The following TNFSF4 variants were observed in gnomAD, a reference collection of about 807,000 sequenced individuals.
The protein encoded by TNFSF4 is TNF superfamily member 4, also known as tumor necrosis factor ligand superfamily member 4.
TNFSF4 carries 4 observed loss-of-function variants against 7.3 expected under a neutral mutation model. The ratio of observed to expected loss-of-function variants is 0.55; its 90% CI spans 0.27 to 1.25. The LOEUF is 1.25. Ranked by LOEUF, TNFSF4 falls within the 50% of genes most tolerant of loss-of-function variation. TNFSF4 has a pLI of 0.12. For synonymous variants in TNFSF4, 76 were observed against 83.7 expected (o/e 0.91, Z 0.50); for missense variants, 181 against 208.8 (o/e 0.87, Z 0.82).
At chr1:173,404,821 G>T in the TNFSF4 span, among the ~76,000 whole-genome samples, 1 of 151,936 alleles carries the variant, frequency 6.6e-6, no homozygotes, top group Non-Finnish European at 1.5e-5. Context: ...TAGTAGAAAT[G>T]GGGTTTCACC....
chr1:173,289,039 G>T, the TNFSF4 span, among the ~76,000 whole-genome samples: 1 of 152,006 alleles, frequency 6.6e-6, no homozygotes, highest in African/African-American at 2.4e-5. Context: ...CCCAAGCAGA[G>T]ACCAATTGTC....
At chr1:173,287,940 A>G in the TNFSF4 span, among the ~76,000 whole-genome samples, 1 of 152,200 alleles carries the variant, frequency 6.6e-6, no homozygotes, top group East Asian at 1.9e-4. Context: ...AATATTCTAC[A>G]TCTTGATGAG....
chr1:173,386,304 C>T, the TNFSF4 span, among the ~76,000 whole-genome samples: 3 of 152,186 alleles, frequency 2.0e-5, no homozygotes, highest in Non-Finnish European at 4.4e-5. Flanking sequence ...AAGTGGTAAA[C>T]GTTGGCAGTG....
chr1:173,210,724 C>CT (rs1482695528), upstream of TNFSF4, among the ~76,000 whole-genome samples: 2 of 150,288 alleles, frequency 1.3e-5, no homozygotes, highest in African/African-American at 2.4e-5. Flanking sequence ...GGAAATAATT[C>CT]TAGGGGGGGG....
chr1:173,412,421 T>C, the TNFSF4 span, among the ~76,000 whole-genome samples: 1 of 152,236 alleles, frequency 6.6e-6, no homozygotes, highest in East Asian at 1.9e-4. Flanking sequence ...GTGCAAAGAT[T>C]TTCTAAACAG....
At chr1:173,318,675 A>C in the TNFSF4 span, among the ~76,000 whole-genome samples, 1 of 152,246 alleles carries the variant, frequency 6.6e-6, no homozygotes, top group East Asian at 1.9e-4. Context: ...GAAAGCAAGA[A>C]TTTATATGAA....
the TNFSF4 span, among the ~76,000 whole-genome samples, chr1:173,236,780 A>C: frequency 1.3e-5 from 2 of 152,214 alleles, no homozygotes; most frequent in Non-Finnish European, 2.9e-5. Flanking sequence ...GGAAGCTAAA[A>C]AAAAGTTGAT....
At chr1:173,211,706 T>A (rs1557889743), upstream of TNFSF4, among the ~76,000 whole-genome samples, 1 of 152,320 alleles carries the variant, frequency 6.6e-6, no homozygotes, top group East Asian at 1.9e-4. Context: ...TGTGAGGTAG[T>A]GAGCTTGCTG....
chr1:173,430,152 G>A, the TNFSF4 span, among the ~76,000 whole-genome samples: 6 of 152,316 alleles, frequency 3.9e-5, no homozygotes, highest in African/African-American at 1.4e-4. Context: ...CGGGGTCTAA[G>A]CACACAGACG....
At chr1:173,202,070 T>TATATATATATATATATATATATACACA (rs150074641) in intron 1 of TNFSF4, among the ~76,000 whole-genome samples, 41 of 149,640 alleles carry the variant, frequency 2.7e-4, no homozygotes, top group Admixed American at 4.7e-4. Flanking sequence ...TATATATATA[T>TATATATATATATATATATATATACACA]ACACACACAC....
chr1:173,292,652 G>GAA, the TNFSF4 span, among the ~76,000 whole-genome samples: 9 of 143,120 alleles, frequency 6.3e-5, no homozygotes, highest in Non-Finnish European at 1.1e-4. Flanking sequence ...GAGCAATCAG[G>GAA]AAAAAAAAAA....
At chr1:173,401,298 G>T in the TNFSF4 span, among the ~76,000 whole-genome samples, 243 of 152,270 alleles carry the variant, frequency 1.6e-3, 1 homozygote, top group African/African-American at 5.6e-3. Flanking sequence ...GTTTCAGGAG[G>T]CACGTATGAG....
At chr1:173,265,347 C>A in the TNFSF4 span, among the ~76,000 whole-genome samples, 1 of 152,186 alleles carries the variant, frequency 6.6e-6, no homozygotes. Context: ...CTACTTGTGA[C>A]TACCCCTAGG....
the TNFSF4 span, among the ~76,000 whole-genome samples, chr1:173,333,145 G>T: frequency 5.9e-5 from 9 of 152,298 alleles, no homozygotes; most frequent in South Asian, 1.9e-3. Context: ...TAGGATAGGT[G>T]TAGTTAACTG....
intron 2 of TNFSF4, 145 bp from the exon 3 acceptor site, chr1:173,187,010 C>A: frequency 1.7e-6 from 1 of 596,580 alleles, no homozygotes; most frequent in Non-Finnish European, 2.9e-6. Flanking sequence ...AAGATCCCGC[C>A]ACTGCACTCC....
At chr1:173,241,431 C>T in the TNFSF4 span, among the ~76,000 whole-genome samples, 1 of 152,190 alleles carries the variant, frequency 6.6e-6, no homozygotes. Context: ...TACGAGCATC[C>T]ATTTGTCTTT....
At chr1:173,430,486 T>C in the TNFSF4 span, among the ~76,000 whole-genome samples, 2 of 152,228 alleles carry the variant, frequency 1.3e-5, no homozygotes, top group African/African-American at 2.4e-5. Context: ...GGAATGCTTA[T>C]AGCAAAGTCA....
upstream of TNFSF4, among the ~76,000 whole-genome samples, chr1:173,211,931 C>T (rs924242823): frequency 1.3e-5 from 2 of 152,130 alleles, no homozygotes; most frequent in African/African-American, 4.8e-5. Context: ...TAAAGGAATA[C>T]ACAAGGCTGG....
the TNFSF4 span, among the ~76,000 whole-genome samples, chr1:173,173,016 A>C: frequency 4.3e-4 from 66 of 152,218 alleles, 1 homozygote; most frequent in Non-Finnish European, 7.1e-4. Flanking sequence ...AGGAGGAAAA[A>C]TCCCCTATAA....
Sources: gnomAD v4.1 joint callset for allele counts (sites outside exome capture counted in the v4.1 genomes callset) on GRCh38, gnomAD v4.1.1 for gene constraint, MANE v1.5 for transcripts, NCBI Gene and HGNC (gene_info 2026-07-23, HGNC 2026-07-21) for gene names.